BIN1: variants seen among roughly 807,000 people sequenced by gnomAD.
The protein encoded by BIN1 is bridging integrator 1.
BIN1 carries 53 observed loss-of-function variants against 82.0 expected under a neutral mutation model. The observed-to-expected ratio is 0.65, with a 90% CI of 0.52 to 0.81. BIN1 has a LOEUF of 0.81. BIN1 is among the 40% of genes least tolerant of loss of function. The pLI, the probability that BIN1 is intolerant of heterozygous loss-of-function variation, is 0.00. For missense variants in BIN1, 642 were observed against 784.4 expected, an observed-to-expected ratio of 0.82 and a Z score of 2.17; for synonymous variants, 302 against 328.0, an observed-to-expected ratio of 0.92 and a Z score of 0.86.
rs1036326681 is a variant in BIN1 at position 127,060,750 on chromosome 2, G to A, written c.857+1365C>T. On this transcript the variant is annotated intron_variant, in intron 10 of 18. Coordinates refer to ENST00000316724, the MANE Select transcript of BIN1 (RefSeq NM_139343.3). ...ACCCTTCTGCTCAGAGGACAAAGGG[G>A]CAAAAGCCTCTCCTAAGTGCCAGAG... The A allele has an allele frequency of 5.7e-6, 8 of 1,405,272 alleles. No homozygotes were observed. In the Admixed American group the frequency reaches 9.7e-5, roughly 17 times the overall value. The allele number at this position is 1,405,272 out of a possible 1,614,324, so 87.1% of individuals were successfully genotyped here.
In BIN1 at chr2:127,094,142, C is replaced by T. The variant is rs1679289242; in HGVS notation, c.84+12718G>A. On this transcript the variant is annotated intron_variant, in intron 1 of 18. Transcript: ENST00000316724. ...CCACACAGGATACTATCCCACCTCACAAAAGGGGACACTGAAACTTGGAGG... is the reference window on the plus strand; with the variant it reads ...CCACACAGGATACTATCCCACCTCATAAAAGGGGACACTGAAACTTGGAGG... 2.0e-5 allele frequency among the ~76,000 whole-genome samples: 3 copies of T among 152,222 alleles called. 1 individual carries two copies. The South Asian group carries it at 6.2e-4, about 31-fold the overall frequency.
intron 8 of BIN1, 81 bp downstream of exon 8, chr2:127,063,852 C>T (rs1684820820): frequency 6.4e-7 from 1 of 1,566,822 alleles, no homozygotes; most frequent in South Asian, 1.1e-5. Context: ...GCAGGCTGGG[C>T]ACCACAGCAC....
rs1409884415 is a variant in BIN1 at position 127,068,876 on chromosome 2, T to G, written c.519+48A>C. 1 of 1,559,190 alleles carries G rather than the reference T, an allele frequency of 6.4e-7. No individual in the cohort carries two copies. Among genetic ancestry groups the G allele is most frequent in the Admixed American group, 1.7e-5 (1 of 59,928 alleles). On this transcript the variant is annotated intron_variant, in intron 6 of 18. Coordinates refer to ENST00000316724, the MANE Select transcript of BIN1 (RefSeq NM_139343.3). This position sits in a 1 kb window ranked among gnomAD's most constrained non-coding sequence, Gnocchi z 4.9. ...CCCTCGGGGTCCTAGACACCCGCCC[T>G]CTCTCAGCCCCCTGCAGACGCTGCC...
At chr2:127,063,804 G>T (rs1230012342) in intron 8 of BIN1, 129 bp downstream of exon 8, 4 of 1,405,486 alleles carry the variant, frequency 2.8e-6, no homozygotes, top group Non-Finnish European at 4.0e-6. Flanking sequence ...CAGCACACAG[G>T]CTGGGCACCG....
In BIN1 at chr2:127,062,106, C is replaced by T. The variant is rs370811748; in HGVS notation, c.857+9G>A. 15 of 1,599,892 alleles carry T rather than the reference C, an allele frequency of 9.4e-6. No homozygotes were observed. The highest frequency in any genetic ancestry group is 2.3e-5 in the South Asian group (2 of 88,742). On this transcript the variant is annotated intron_variant, in intron 10 of 18. Coordinates refer to ENST00000316724, the MANE Select transcript of BIN1 (RefSeq NM_139343.3). ...CAGTCAGGGGCGCCAGGGCTCTCCC[C>T]GCACGCACCTGGGCTGGGCCTTGAC...
intron 1 of BIN1, among the ~76,000 whole-genome samples, chr2:127,099,402 C>T (rs1680006442): frequency 6.6e-6 from 1 of 152,052 alleles, no homozygotes; most frequent in Non-Finnish European, 1.5e-5. Flanking sequence ...CAGCATGGTT[C>T]TTTCCCCCCC....
At chr2:127,103,528 A>G (rs966032458) in intron 1 of BIN1, among the ~76,000 whole-genome samples, 7 of 151,798 alleles carry the variant, frequency 4.6e-5, no homozygotes, top group Non-Finnish European at 1.0e-4. Flanking sequence ...GGAGGGAGGG[A>G]CAGCATGCAC....
intron 17 of BIN1, 34 bp from the exon 18 acceptor site, chr2:127,050,556 C>T (rs758746626): frequency 1.6e-5 from 25 of 1,609,512 alleles, no homozygotes; most frequent in East Asian, 2.2e-5. Context: ...TCAGACCTTC[C>T]GTCCCACCTC....
chr2:127,077,470 A>T (rs6710752), intron 1 of BIN1, among the ~76,000 whole-genome samples: 1 of 151,982 alleles, frequency 6.6e-6, no homozygotes, highest in African/African-American at 2.4e-5. Flanking sequence ...GGCAGAGAAG[A>T]GGAGCCACAC....
rs1022393141 is a variant in BIN1 at position 127,067,249 on chromosome 2, C to G, written c.612+914G>C. 6.6e-6 allele frequency among the ~76,000 whole-genome samples: 1 copy of G among 152,060 alleles called. No homozygotes were observed. Among genetic ancestry groups the G allele is most frequent in the Non-Finnish European group, 1.5e-5 (1 of 68,016 alleles). ...GGCCGGGCCCCTATCGCCAGCCTCT[C>G]GGGAATATGGAGAAGTGTGAGGGCC... On this transcript the variant is annotated intron_variant, in intron 7 of 18. Transcript: ENST00000316724. This position sits in a 1 kb window ranked among gnomAD's most constrained non-coding sequence, Gnocchi z 4.7.
At chr2:127,091,994 G>A (rs1033775142) in intron 1 of BIN1, among the ~76,000 whole-genome samples, 23 of 151,978 alleles carry the variant, frequency 1.5e-4, no homozygotes, top group Non-Finnish European at 1.2e-4. Flanking sequence ...GGCTACCCCT[G>A]CCCTACCCCA....
At chr2:127,104,383 G>A (rs956364339) in intron 1 of BIN1, among the ~76,000 whole-genome samples, 8 of 152,158 alleles carry the variant, frequency 5.3e-5, no homozygotes, top group African/African-American at 1.7e-4. Flanking sequence ...AGTGCAGGCT[G>A]CCCTTGACCA....
chr2:127,091,227 A>C (rs1255885632), intron 1 of BIN1, among the ~76,000 whole-genome samples: 1 of 150,712 alleles, frequency 6.6e-6, no homozygotes, highest in East Asian at 2.0e-4. Flanking sequence ...ACCAACAGGC[A>C]CCCCACGCAG....
At chr2:127,086,834 A>T (rs1402841949) in intron 1 of BIN1, among the ~76,000 whole-genome samples, 3 of 140,346 alleles carry the variant, frequency 2.1e-5, no homozygotes, top group Non-Finnish European at 4.7e-5. Flanking sequence ...CAAGTCCATG[A>T]CCCCCAGGAA....
At chr2:127,056,749 C>T (rs1030571301) in intron 12 of BIN1, among the ~76,000 whole-genome samples, 4 of 152,236 alleles carry the variant, frequency 2.6e-5, no homozygotes, top group Admixed American at 1.3e-4. Context: ...TCTGACAACA[C>T]GTCAGCCCAC....
intron 10 of BIN1, among the ~76,000 whole-genome samples, chr2:127,060,296 C>T (rs1684266392): frequency 6.6e-6 from 1 of 152,246 alleles, no homozygotes; most frequent in African/African-American, 2.4e-5. Context: ...CCTCCCCAGG[C>T]CTCCTTCCCA....
At position 127,076,036 on chromosome 2, in the gene BIN1, G is replaced by C. The variant is rs369528000; in HGVS notation, c.165+590C>G. Among the ~76,000 whole-genome samples the C allele has an allele frequency of 3.1e-3, 427 of 137,984 alleles. 1 individual carries two copies. The highest frequency in any genetic ancestry group is 0.018 in the South Asian group (76 of 4,176). The allele number at this position is 137,984 out of a possible 152,430, so 90.5% of individuals were successfully genotyped here. A position where few individuals can be genotyped will look rare whatever the true frequency, so the allele number is the denominator to read the frequency against. ...CCCGGCCCTCTCCCAGCTACTCCCG[G>C]CCCTCGCAGCTGCTCCCAGTCCTCT... On this transcript the variant is annotated intron_variant, in intron 2 of 18. Transcript: ENST00000316724.
rs1213074542 is a variant in BIN1 at position 127,076,726 on chromosome 2, A to C, written c.85-20T>G. ...GAGAACCTGCCGAAGCCAAGAGAGA[A>C]GGGGAGAGTGTTACCTTGGAAAGGA... is the stretch of plus-strand genomic sequence containing the variant. On this transcript the variant is annotated intron_variant, in intron 1 of 18. Transcript: ENST00000316724. 4 of 1,613,818 alleles carry C rather than the reference A, an allele frequency of 2.5e-6. No individual in the cohort carries two copies. Among genetic ancestry groups the C allele is most frequent in the Non-Finnish European group, 3.4e-6 (4 of 1,179,926 alleles).
rs140171337 is a variant in BIN1, at chr2:127,059,270, CTGTGTG to C, written c.858-121_858-116del. ...GGTGTGTGCATATGGAGGTGTGAAA[CTGTGTG>C]TGTGTGTGTGTGTGTGTATGTGAGA... is the stretch of plus-strand genomic sequence containing the variant. On this transcript the variant is annotated intron_variant, in intron 10 of 18. Transcript: ENST00000316724. The surrounding 1 kb of genome is among the most constrained non-coding windows in gnomAD (Gnocchi z 6.7). 3.1e-4 allele frequency: 271 copies of C among 867,274 alleles called. 1 individual carries two copies. The highest frequency in any genetic ancestry group is 1.5e-3 in the East Asian group (47 of 30,770). 53.7% of individuals were successfully genotyped at this position (867,274 alleles called of 1,614,324 possible).
Sources: gnomAD v4.1 joint callset for allele counts (sites outside exome capture counted in the v4.1 genomes callset) on GRCh38, gnomAD v4.1.1 for gene constraint, Gnocchi (gnomAD v3.1) non-coding constraint, MANE v1.5 for transcripts, NCBI Gene and HGNC (gene_info 2026-07-23, HGNC 2026-07-21) for gene names.